Variants in PDK1 observed in about 807,000 individuals in gnomAD.
The protein encoded by PDK1 is pyruvate dehydrogenase kinase 1.
Under a neutral mutation model 54.2 loss-of-function variants are expected in PDK1, and 39 were observed. The ratio of observed to expected loss-of-function variants is 0.72; its 90% CI spans 0.56 to 0.94. The LOEUF (loss-of-function observed/expected upper bound fraction) is 0.94. PDK1 is among the 40% of genes least tolerant of loss of function. PDK1 has a pLI of 0.00. For synonymous variants in PDK1, 221 were observed against 207.1 expected, an observed-to-expected ratio of 1.07 and a Z score of -0.58; for missense variants, 552 against 566.0, an observed-to-expected ratio of 0.98 and a Z score of 0.25.
chr2:172,653,215 T>A, the PDK1 span, among the ~76,000 whole-genome samples: 12 of 152,204 alleles, frequency 7.9e-5, no homozygotes, highest in African/African-American at 2.9e-4. Context: ...AAACAAGGAA[T>A]AGGGAAAGGA....
the PDK1 span, among the ~76,000 whole-genome samples, chr2:172,673,126 A>T: frequency 6.6e-6 from 1 of 152,222 alleles, no homozygotes; most frequent in African/African-American, 2.4e-5. Flanking sequence ...GGAGAGATTA[A>T]GTGCGCTGTT....
At chr2:172,667,219 C>G in the PDK1 span, among the ~76,000 whole-genome samples, 1 of 152,092 alleles carries the variant, frequency 6.6e-6, no homozygotes. Context: ...GGAAGTAGGA[C>G]TGGGGTGGTC....
the PDK1 span, among the ~76,000 whole-genome samples, chr2:172,721,364 A>C: frequency 1.3e-5 from 2 of 152,222 alleles, no homozygotes; most frequent in Non-Finnish European, 2.9e-5. Context: ...GTTTTGAGAC[A>C]CAGTCTCATT....
chr2:172,622,141 GAT>G, the PDK1 span, among the ~76,000 whole-genome samples: 7 of 134,164 alleles, frequency 5.2e-5, no homozygotes, highest in East Asian at 4.6e-4. Flanking sequence ...TATTATGTGA[GAT>G]ATGTTTATAT....
chr2:172,575,584 A>T (rs1001039879), intron 8 of PDK1, among the ~76,000 whole-genome samples: 1 of 151,656 alleles, frequency 6.6e-6, no homozygotes, highest in African/African-American at 2.4e-5. Context: ...CACTTTGGGA[A>T]GCCAAGGCAG....
chr2:172,595,820 C>A lies in PDK1; in HGVS notation c.1171-9C>A. 3 of 1,611,582 alleles carry A rather than the reference C, an allele frequency of 1.9e-6. No individual in the cohort carries two copies. The highest frequency in any genetic ancestry group is 2.5e-6 in the Non-Finnish European group (3 of 1,178,744). On this transcript the variant is annotated splice_polypyrimidine_tract_variant and intron_variant, in intron 10 of 10. Transcript: ENST00000282077. ...CAGACTTAATAGGTCTTAGGTTTTTCTTTTTCAGGCTCTGTCAACAGACTC... is the reference window on the plus strand; with the variant it reads ...CAGACTTAATAGGTCTTAGGTTTTTATTTTTCAGGCTCTGTCAACAGACTC...
the PDK1 span, among the ~76,000 whole-genome samples, chr2:172,679,579 T>G: frequency 5.3e-5 from 8 of 152,214 alleles, no homozygotes; most frequent in African/African-American, 1.9e-4. Flanking sequence ...TATAGCCTAA[T>G]GTACTATAGT....
chr2:172,663,990 C>T, the PDK1 span, among the ~76,000 whole-genome samples: 3 of 146,224 alleles, frequency 2.1e-5, no homozygotes, highest in Non-Finnish European at 3.0e-5. Context: ...TTTAACCTCT[C>T]GTAGGAATGA....
intron 9 of PDK1, among the ~76,000 whole-genome samples, chr2:172,587,081 A>G (rs919615831): frequency 1.3e-5 from 2 of 152,218 alleles, no homozygotes; most frequent in Admixed American, 1.3e-4. Flanking sequence ...GTATAGTACA[A>G]GATAGATCTA....
At chr2:172,585,831 G>T (rs1191626818) in intron 8 of PDK1, among the ~76,000 whole-genome samples, 1 of 152,118 alleles carries the variant, frequency 6.6e-6, no homozygotes, top group African/African-American at 2.4e-5. Flanking sequence ...CGAGGGAAAT[G>T]CTTATATTGG....
At chr2:172,632,202 G>C in the PDK1 span, among the ~76,000 whole-genome samples, 3 of 151,908 alleles carry the variant, frequency 2.0e-5, no homozygotes, top group Non-Finnish European at 4.4e-5. Flanking sequence ...AGGAGGCGGA[G>C]ATTGCAGTGA....
the PDK1 span, among the ~76,000 whole-genome samples, chr2:172,672,032 C>A: frequency 6.6e-6 from 1 of 152,130 alleles, no homozygotes; most frequent in Non-Finnish European, 1.5e-5. Flanking sequence ...AAGATAAGCA[C>A]CATGAGTTGG....
At chr2:172,716,281 T>G in the PDK1 span, among the ~76,000 whole-genome samples, 1 of 152,242 alleles carries the variant, frequency 6.6e-6, no homozygotes, top group Non-Finnish European at 1.5e-5. Context: ...ACACCATTTC[T>G]ATATACTTGG....
At chr2:172,651,580 TAAA>T in the PDK1 span, among the ~76,000 whole-genome samples, 1 of 151,704 alleles carries the variant, frequency 6.6e-6, no homozygotes, top group East Asian at 1.9e-4. Context: ...GCAAGACTAA[TAAA>T]GAAGAAAAGA....
At chr2:172,568,552 C>T (rs1468891086) in intron 6 of PDK1, among the ~76,000 whole-genome samples, 189 bp from the exon 7 acceptor site, 2 of 152,160 alleles carry the variant, frequency 1.3e-5, no homozygotes, top group African/African-American at 4.8e-5. Flanking sequence ...CTCTTGTCAT[C>T]ATCAGTTGTA....
the PDK1 span, among the ~76,000 whole-genome samples, chr2:172,621,795 A>ATATATGTTTATATCTCATATG: frequency 1.8e-5 from 2 of 112,298 alleles, no homozygotes; most frequent in East Asian, 2.0e-4. Context: ...CATATGTATG[A>ATATATGTTTATATCTCATATG]TATATGTTTA....
intron 1 of PDK1, among the ~76,000 whole-genome samples, chr2:172,557,921 T>C (rs1688437641): frequency 6.6e-6 from 1 of 152,120 alleles, no homozygotes; most frequent in Non-Finnish European, 1.5e-5. Context: ...GGTGCTATCA[T>C]AGCTCACTGT....
chr2:172,578,279 C>T (rs1689685227), intron 8 of PDK1, among the ~76,000 whole-genome samples: 1 of 152,216 alleles, frequency 6.6e-6, no homozygotes, highest in Non-Finnish European at 1.5e-5. Flanking sequence ...TCTTCACTCT[C>T]ACTGATTCTT....
downstream of PDK1, among the ~76,000 whole-genome samples, chr2:172,610,647 CTT>C (rs1187307967): frequency 1.3e-5 from 2 of 152,146 alleles, no homozygotes; most frequent in Non-Finnish European, 2.9e-5. Context: ...ATCTCACTCT[CTT>C]GCACAGGCTG....
Sources: gnomAD v4.1 joint callset for allele counts (sites outside exome capture counted in the v4.1 genomes callset) on GRCh38, gnomAD v4.1.1 for gene constraint, MANE v1.5 for transcripts, NCBI Gene and HGNC (gene_info 2026-07-23, HGNC 2026-07-21) for gene names.